The following LRP1B variants were observed in gnomAD, a reference collection of about 807,000 sequenced individuals.
LRP1B encodes the protein low-density lipoprotein receptor-related protein 1B.
Under a neutral mutation model 556.6 loss-of-function variants are expected in LRP1B, and 217 were observed. The observed-to-expected ratio is 0.39, with a 90% CI of 0.35 to 0.44. The LOEUF is 0.44. Ranked by LOEUF, LRP1B falls within the 20% of genes least tolerant of loss-of-function variation. The pLI is 1.00. For synonymous variants in LRP1B, 2,047 were observed against 1,865.8 expected, an observed-to-expected ratio of 1.10 and a Z score of -2.50; for missense variants, 5,053 against 5,620.8, an observed-to-expected ratio of 0.90 and a Z score of 3.23.
intron 84 of LRP1B, 32 bp from the exon 85 acceptor site, chr2:140,274,630 A>C (rs746790270): frequency 3.2e-6 from 5 of 1,578,708 alleles, no homozygotes; most frequent in East Asian, 4.5e-5. Context: ...GAAAAATAAA[A>C]TTATATTACA....
chr2:141,666,481 G>A (rs1411086567), intron 2 of LRP1B, among the ~76,000 whole-genome samples: 1 of 152,086 alleles, frequency 6.6e-6, no homozygotes, highest in Non-Finnish European at 1.5e-5. Flanking sequence ...AGCTTCCTAG[G>A]TACATCCTTT....
At chr2:141,212,436 G>A (rs1465816099) in intron 6 of LRP1B, among the ~76,000 whole-genome samples, 7 of 148,922 alleles carry the variant, frequency 4.7e-5, no homozygotes, top group Non-Finnish European at 6.0e-5. Context: ...CCACCACCAC[G>A]CCCGGATAAT....
chr2:140,293,233 T>G (rs1337001346), intron 84 of LRP1B, among the ~76,000 whole-genome samples: 3 of 152,190 alleles, frequency 2.0e-5, no homozygotes, highest in African/African-American at 7.2e-5. Context: ...TATTATCATT[T>G]AATCACAAAT....
intron 1 of LRP1B, among the ~76,000 whole-genome samples, chr2:142,040,592 T>C (rs1210673681): frequency 6.7e-6 from 1 of 148,854 alleles, no homozygotes; most frequent in Non-Finnish European, 1.5e-5. Context: ...TTAAATGCAG[T>C]CTAGAAAATG....
chr2:141,177,856 A>C (rs1680803737), intron 7 of LRP1B, among the ~76,000 whole-genome samples: 1 of 152,124 alleles, frequency 6.6e-6, no homozygotes, highest in Non-Finnish European at 1.5e-5. Context: ...TTCTCAATTA[A>C]ATAGAGTTAG....
At chr2:142,123,285 A>G (rs1304859522) in intron 1 of LRP1B, among the ~76,000 whole-genome samples, 1 of 152,050 alleles carries the variant, frequency 6.6e-6, no homozygotes, top group Non-Finnish European at 1.5e-5. Context: ...GTCATTAAAG[A>G]AAAACTCAGC....
chr2:140,890,121 T>C (rs1693755151), intron 23 of LRP1B, among the ~76,000 whole-genome samples: 1 of 151,416 alleles, frequency 6.6e-6, no homozygotes, highest in Admixed American at 6.6e-5. Context: ...AAACCCTAGT[T>C]CCAGATGGGT....
At chr2:141,984,379 A>T (rs1460234218) in intron 1 of LRP1B, among the ~76,000 whole-genome samples, 1 of 35,664 alleles carries the variant, frequency 2.8e-5, no homozygotes, top group African/African-American at 1.0e-4. Context: ...GATGAAAGGT[A>T]TGTGTTTAAG....
At chr2:141,003,866 C>A (rs1303553543) in intron 15 of LRP1B, among the ~76,000 whole-genome samples, 1 of 151,898 alleles carries the variant, frequency 6.6e-6, no homozygotes, top group Non-Finnish European at 1.5e-5. Flanking sequence ...TCAATCTTAC[C>A]TACAATTATT....
At chr2:140,496,628 C>T (rs1414681087) in intron 55 of LRP1B, among the ~76,000 whole-genome samples, 1 of 151,922 alleles carries the variant, frequency 6.6e-6, no homozygotes, top group Non-Finnish European at 1.5e-5. Context: ...TATTTTTTGC[C>T]TTCCTAAAAA....
intron 35 of LRP1B, among the ~76,000 whole-genome samples, chr2:140,718,767 T>C (rs1687297388): frequency 6.6e-6 from 1 of 152,080 alleles, no homozygotes; most frequent in African/African-American, 2.4e-5. Context: ...CCTAATTTTC[T>C]TCCACACTTC....
intron 33 of LRP1B, among the ~76,000 whole-genome samples, chr2:140,772,905 G>C (rs1270449247): frequency 6.6e-6 from 1 of 151,966 alleles, no homozygotes; most frequent in Non-Finnish European, 1.5e-5. Flanking sequence ...CAGGAGCTCT[G>C]AGACAAGCCT....
chr2:141,112,001 G>A (rs946394636), intron 7 of LRP1B, among the ~76,000 whole-genome samples: 4 of 151,506 alleles, frequency 2.6e-5, no homozygotes, highest in Admixed American at 1.3e-4. Context: ...AGACAAGAAC[G>A]AGCCACTGCA....
At chr2:140,493,191 T>C (rs1017588018) in intron 56 of LRP1B, among the ~76,000 whole-genome samples, 1 of 152,176 alleles carries the variant, frequency 6.6e-6, no homozygotes, top group Non-Finnish European at 1.5e-5. Flanking sequence ...TCTTAAATAA[T>C]TTCTGAACTC....
At chr2:141,508,174 G>T (rs560829774) in intron 2 of LRP1B, among the ~76,000 whole-genome samples, 1 of 152,056 alleles carries the variant, frequency 6.6e-6, no homozygotes, top group Admixed American at 6.6e-5. Context: ...ATGATTCTAG[G>T]TTCCTTGAGA....
intron 3 of LRP1B, among the ~76,000 whole-genome samples, chr2:141,462,390 A>G (rs1164639232): frequency 6.6e-6 from 1 of 152,134 alleles, no homozygotes; most frequent in Non-Finnish European, 1.5e-5. Context: ...CTATTGTACA[A>G]TAAGAACAGG....
intron 2 of LRP1B, among the ~76,000 whole-genome samples, chr2:141,698,298 A>G (rs922955821): frequency 9.2e-5 from 14 of 151,780 alleles, no homozygotes; most frequent in African/African-American, 2.9e-4. Context: ...TACCGAGTAG[A>G]AAGTTTAGAC....
chr2:142,001,724 T>C (rs964858982), intron 1 of LRP1B, among the ~76,000 whole-genome samples: 3 of 152,226 alleles, frequency 2.0e-5, no homozygotes, highest in Admixed American at 1.3e-4. Context: ...TTTCCTATAC[T>C]GCAGGCGTGT....
intron 7 of LRP1B, among the ~76,000 whole-genome samples, chr2:141,114,401 T>C (rs1222411706): frequency 6.6e-6 from 1 of 152,128 alleles, no homozygotes; most frequent in East Asian, 1.9e-4. Flanking sequence ...TTCAGGGATT[T>C]TACTGAGTGA....
Sources: gnomAD v4.1 joint callset for allele counts (sites outside exome capture counted in the v4.1 genomes callset) on GRCh38, gnomAD v4.1.1 for gene constraint, MANE v1.5 for transcripts, NCBI Gene and HGNC (gene_info 2026-07-23, HGNC 2026-07-21) for gene names.